Variants in ARHGAP23 observed in about 807,000 individuals in gnomAD.
ARHGAP23 encodes the protein Rho GTPase activating protein 23, also known as rho GTPase-activating protein 23.
ARHGAP23 carries 34 observed loss-of-function variants against 136.3 expected under a neutral mutation model. The observed-to-expected ratio is 0.25, with a 90% confidence interval of 0.19 to 0.33. The LOEUF (loss-of-function observed/expected upper bound fraction) is 0.33. Among genes scored for constraint, ARHGAP23 ranks in the 10% least tolerant of loss-of-function variants. The pLI is 1.00. For missense variants in ARHGAP23, 1,808 were observed against 2,139.0 expected, an observed-to-expected ratio of 0.85 and a Z score of 3.05; for synonymous variants, 832 against 920.5, an observed-to-expected ratio of 0.90 and a Z score of 1.74.
intron 17 of ARHGAP23, among the ~76,000 whole-genome samples, chr17:38,489,584 G>A (rs2040227839): frequency 6.6e-6 from 1 of 152,058 alleles, no homozygotes; most frequent in South Asian, 2.1e-4. Flanking sequence ...AGATCCTCCC[G>A]CGTTACTCTT....
chr17:38,468,072 G>A (rs1020863352), intron 7 of ARHGAP23, among the ~76,000 whole-genome samples: 1 of 152,218 alleles, frequency 6.6e-6, no homozygotes, highest in African/African-American at 2.4e-5. Flanking sequence ...CTTGGAGAAA[G>A]AACATTTGGG....
chr17:38,510,528 C>T lies in ARHGAP23; in HGVS notation c.4032C>T (p.Pro1344=), dbSNP rs1209597889. The T allele has an allele frequency of 1.7e-6, 2 of 1,150,206 alleles. No homozygotes were observed. Among genetic ancestry groups the T allele is most frequent in the African/African-American group, 1.7e-5 (1 of 60,580 alleles). 71.3% of individuals were successfully genotyped at this position (1,150,206 alleles called of 1,614,324 possible). Reference sequence around the variant, plus strand: ...GCGGTCCCCGCGCCCCGGAGCCGCCCGGCTCGGCGTCGTCCAGCAGCCAGG... The same window carrying T: ...GCGGTCCCCGCGCCCCGGAGCCGCCTGGCTCGGCGTCGTCCAGCAGCCAGG... The part of the protein sequence containing the change: ...GRGGPRAPEP[P]GSASSSSQES... Residue 1344 remains proline (P), a synonymous_variant, in exon 24 of 24, where the codon CCC becomes CCT. Transcript: ENST00000622683. This position sits in a 1 kb window ranked among gnomAD's most constrained non-coding sequence, Gnocchi z 4.6.
chr17:38,473,103 A>ATTTTTT (rs59594005), intron 11 of ARHGAP23, among the ~76,000 whole-genome samples: 8 of 129,964 alleles, frequency 6.2e-5, no homozygotes, highest in Non-Finnish European at 6.5e-5. Flanking sequence ...AACCCGGCTA[A>ATTTTTT]TTTTTTTTTT....
Position 38,466,484 on chromosome 17 carries a change from C to G in ARHGAP23, c.801C>G (p.Pro267=). 1 of 1,513,218 alleles carries G rather than the reference C, an allele frequency of 6.6e-7. No individual in the cohort carries two copies. The highest frequency in any genetic ancestry group is 8.8e-7 in the Non-Finnish European group (1 of 1,133,576). The allele number at this position is 1,513,218 out of a possible 1,614,324, so 93.7% of individuals were successfully genotyped here. The change falls in exon 7 of 24, where the codon CCC becomes CCG. Residue 267 remains proline (P), a synonymous_variant. Transcript: ENST00000622683. ...ACCTCTCCTCGGAGCCCCGGACGCC[C>G]CGTGCCTTCCCAGAGCCTGGCAGCC... ...FPHLSSEPRT[P]RAFPEPGSRV...
At chr17:38,451,037 G>C (rs994268446) in intron 1 of ARHGAP23, 1 of 152,266 alleles carries the variant, frequency 6.6e-6, no homozygotes, top group African/African-American at 2.4e-5. Context: ...GGAAGGCTTG[G>C]AATAGAATCT....
intron 10 of ARHGAP23, 91 bp downstream of exon 10, chr17:38,469,995 G>C: frequency 6.9e-7 from 1 of 1,449,912 alleles, no homozygotes; most frequent in Non-Finnish European, 9.4e-7. Flanking sequence ...CGGCATGGGG[G>C]TTCCTGCTCC....
intron 1 of ARHGAP23, among the ~76,000 whole-genome samples, chr17:38,456,381 A>T (rs2039325913): frequency 6.6e-6 from 1 of 152,186 alleles, no homozygotes; most frequent in Non-Finnish European, 1.5e-5. Flanking sequence ...TCCAGCTACG[A>T]GAAGGGGACA....
At chr17:38,501,459 G>A (rs879504467) in intron 23 of ARHGAP23, among the ~76,000 whole-genome samples, 7 of 151,912 alleles carry the variant, frequency 4.6e-5, no homozygotes, top group Admixed American at 1.3e-4. Flanking sequence ...CCACCATCAC[G>A]TCCAGCTAAT....
chr17:38,455,843 C>G (rs943644924), intron 1 of ARHGAP23, among the ~76,000 whole-genome samples: 2 of 152,178 alleles, frequency 1.3e-5, no homozygotes, highest in African/African-American at 4.8e-5. Flanking sequence ...GCAGAATTCC[C>G]AGAGAATTTT....
chr17:38,420,048 G>A (rs1386640908), intron 1 of ARHGAP23, among the ~76,000 whole-genome samples: 3 of 152,182 alleles, frequency 2.0e-5, no homozygotes, highest in Non-Finnish European at 4.4e-5. Context: ...TTTTGGGAGG[G>A]GGGTGCTGCC....
chr17:38,508,257 C>G (rs561896533), intron 23 of ARHGAP23, among the ~76,000 whole-genome samples: 2 of 152,126 alleles, frequency 1.3e-5, no homozygotes, highest in Non-Finnish European at 2.9e-5. Context: ...AAGCCATGTT[C>G]GAGCTGGGCC....
chr17:38,507,399 A>G (rs1468134274), intron 23 of ARHGAP23, among the ~76,000 whole-genome samples: 2 of 151,980 alleles, frequency 1.3e-5, no homozygotes, highest in Non-Finnish European at 2.9e-5. Flanking sequence ...CCATCATAAG[A>G]TTGCTGTGAC....
chr17:38,437,088 G>A (rs752500470), intron 1 of ARHGAP23, among the ~76,000 whole-genome samples: 7 of 152,128 alleles, frequency 4.6e-5, no homozygotes, highest in Non-Finnish European at 1.0e-4. Flanking sequence ...CCTGGAGTGG[G>A]CAAATAACTT....
At position 38,466,365 on chromosome 17, in the gene ARHGAP23, C is replaced by A; in HGVS notation, c.682C>A (p.Pro228Thr). The A allele has an allele frequency of 1.3e-6, 2 of 1,538,554 alleles. No homozygotes were observed. Among genetic ancestry groups the A allele is most frequent in the Non-Finnish European group, 8.7e-7 (1 of 1,144,016 alleles). The change falls in exon 7 of 24, where the codon CCG becomes ACG. Residue 228 changes from proline to threonine, a missense_variant. Pro to Thr is a conservative substitution (Grantham distance 38, BLOSUM62 -1). This residue lies in a region of ARHGAP23 where 859 missense variants were observed against 936.4 expected (regional missense o/e 0.92). Transcript: ENST00000622683. ...DPRSPAAWSD[P>T]GLRVPPAARA... Reference sequence around the variant, plus strand: ...CCGGAGTCCTGCTGCCTGGAGTGACCCGGGGCTCCGTGTGCCACCTGCTGC... The same window carrying A: ...CCGGAGTCCTGCTGCCTGGAGTGACACGGGGCTCCGTGTGCCACCTGCTGC...
intron 14 of ARHGAP23, among the ~76,000 whole-genome samples, chr17:38,481,354 A>G (rs374836061): frequency 1.4e-4 from 21 of 151,930 alleles, no homozygotes; most frequent in African/African-American, 5.1e-4. Context: ...TCACCGTGTT[A>G]GCCAGGATGG....
chr17:38,427,994 G>T (rs550021125), upstream of ARHGAP23, among the ~76,000 whole-genome samples: 4 of 152,188 alleles, frequency 2.6e-5, no homozygotes, highest in South Asian at 8.3e-4. Context: ...CTCTCTCTGC[G>T]CTGTCTCTAT....
intron 22 of ARHGAP23, 54 bp from the exon 23 acceptor site, chr17:38,500,543 G>A (rs1373608747): frequency 6.7e-7 from 1 of 1,502,542 alleles, no homozygotes; most frequent in Non-Finnish European, 9.1e-7. Flanking sequence ...ATAAGACTCA[G>A]CTTTCTTTTT....
At chr17:38,469,939 C>T (rs778934892) in intron 10 of ARHGAP23, 35 bp downstream of exon 10, 36 of 1,550,132 alleles carry the variant, frequency 2.3e-5, no homozygotes, top group South Asian at 1.3e-4. Flanking sequence ...TGCGCAGGAG[C>T]GAGGGTGTGG....
At chr17:38,456,665 C>T (rs915115421) in intron 1 of ARHGAP23, among the ~76,000 whole-genome samples, 9 of 152,304 alleles carry the variant, frequency 5.9e-5, no homozygotes, top group Admixed American at 1.3e-4. Flanking sequence ...GCAGCTTCTC[C>T]GTGGCTCCCA....
Sources: gnomAD v4.1 joint callset for allele counts (sites outside exome capture counted in the v4.1 genomes callset) on GRCh38, gnomAD v4.1.1 for gene constraint, gnomAD v4.1.1 regional missense constraint, Gnocchi (gnomAD v3.1) non-coding constraint, MANE v1.5 for transcripts, NCBI Gene and HGNC (gene_info 2026-07-23, HGNC 2026-07-21) for gene names.